TSNARE1: variants seen among roughly 807,000 people sequenced by gnomAD.
The protein encoded by TSNARE1 is t-SNARE domain containing 1, also known as t-SNARE domain-containing protein 1.
TSNARE1 carries 49 observed loss-of-function variants against 62.0 expected under a neutral mutation model. The observed-to-expected ratio is 0.79, with a 90% CI of 0.63 to 1.00. The LOEUF is 1.00. Ranked by LOEUF, TSNARE1 falls within the 50% of genes least tolerant of loss-of-function variation. The pLI, the probability that TSNARE1 is intolerant of heterozygous loss-of-function variation, is 0.00. For missense variants in TSNARE1, 755 were observed against 700.1 expected, an observed-to-expected ratio of 1.08 and a Z score of -0.88; for synonymous variants, 328 against 294.4, an observed-to-expected ratio of 1.11 and a Z score of -1.17.
chr8:142,368,994 C>A (rs1170020639), intron 1 of TSNARE1, among the ~76,000 whole-genome samples: 1 of 152,204 alleles, frequency 6.6e-6, no homozygotes, highest in African/African-American at 2.4e-5. Context: ...GTTTGACTGT[C>A]GCAGGGAGAG....
At chr8:142,381,068 G>A (rs570399423) in intron 1 of TSNARE1, among the ~76,000 whole-genome samples, 1 of 152,338 alleles carries the variant, frequency 6.6e-6, no homozygotes, top group East Asian at 1.9e-4. Context: ...CAGCTTCCCA[G>A]GCCTCAGCAG....
At position 142,256,620 on chromosome 8, in the gene TSNARE1, C is replaced by T. The variant is rs868524460; in HGVS notation, c.1446+18161G>A. 1.6e-3 allele frequency among the ~76,000 whole-genome samples: 245 copies of T among 148,862 alleles called. 2 individuals carry two copies. Among genetic ancestry groups the T allele is most frequent in the Middle Eastern group, 3.5e-3 (1 of 288 alleles). On this transcript the variant is annotated intron_variant, in intron 12 of 13. Transcript: ENST00000524325. ...ACTATCATCACCATCATCACCACCA[C>T]CACCACCACCACAATCAGCAGAAGT...
At chr8:142,305,043 G>T (rs1487335514) in intron 9 of TSNARE1, among the ~76,000 whole-genome samples, 1 of 152,210 alleles carries the variant, frequency 6.6e-6, no homozygotes, top group Admixed American at 6.5e-5. Context: ...AGATGTAGGA[G>T]CCTGCCCTCG....
At chr8:142,389,802 A>T (rs1837358588) in intron 1 of TSNARE1, among the ~76,000 whole-genome samples, 1 of 152,276 alleles carries the variant, frequency 6.6e-6, no homozygotes, top group Non-Finnish European at 1.5e-5. Flanking sequence ...GGAATGTATA[A>T]TGAAGCTCTG....
upstream of TSNARE1, chr8:142,403,253 C>T (rs1267306947): frequency 1.3e-5 from 2 of 151,576 alleles, no homozygotes; most frequent in Non-Finnish European, 2.9e-5. Context: ...CCCGGACGCG[C>T]GCGGGGACTA....
intron 9 of TSNARE1, among the ~76,000 whole-genome samples, chr8:142,306,550 C>T (rs1163603206): frequency 6.6e-6 from 1 of 152,222 alleles, no homozygotes; most frequent in East Asian, 1.9e-4. Flanking sequence ...CAACTCCACA[C>T]AGGCTGAGCT....
chr8:142,276,271 TG>T (rs1820472947), intron 11 of TSNARE1: 2 of 985,266 alleles, frequency 2.0e-6, no homozygotes, highest in African/African-American at 3.5e-5. Context: ...AGCCCCCAAC[TG>T]AACTCTGCTC....
intron 3 of TSNARE1, among the ~76,000 whole-genome samples, chr8:142,345,030 G>C (rs910875151): frequency 6.6e-6 from 1 of 152,218 alleles, no homozygotes; most frequent in Non-Finnish European, 1.5e-5. Context: ...GGCTGAGGCC[G>C]GTGGGGACGT....
In TSNARE1 at chr8:142,330,974, C is replaced by T. The variant is rs540362270; in HGVS notation, c.824-4G>A. Reference sequence around the variant, plus strand: ...AGGCTCCGCTCCAAGGAGGTCACTGCCCGAGAGAAGAGGGACAGGGTGAGG... The same window carrying T: ...AGGCTCCGCTCCAAGGAGGTCACTGTCCGAGAGAAGAGGGACAGGGTGAGG... On this transcript the variant is annotated splice_polypyrimidine_tract_variant and splice_region_variant and intron_variant, in intron 5 of 13. Transcript: ENST00000524325. 2 of 1,613,844 alleles carry T rather than the reference C, an allele frequency of 1.2e-6. No homozygotes were observed. Among genetic ancestry groups the T allele is most frequent in the South Asian group, 1.1e-5 (1 of 91,080 alleles).
chr8:142,281,293 T>G (rs866901469), intron 11 of TSNARE1, among the ~76,000 whole-genome samples: 2 of 152,058 alleles, frequency 1.3e-5, no homozygotes, highest in Admixed American at 6.5e-5. Context: ...GCCAGGAGCC[T>G]CTGCCCCACT....
At chr8:142,227,703 A>G (rs1355471868) in intron 13 of TSNARE1, among the ~76,000 whole-genome samples, 1 of 152,252 alleles carries the variant, frequency 6.6e-6, no homozygotes, top group East Asian at 1.9e-4. Context: ...CTGACTGGGG[A>G]GACCCCAGGG....
intron 12 of TSNARE1, among the ~76,000 whole-genome samples, chr8:142,262,326 T>C (rs1186962478): frequency 6.8e-6 from 1 of 146,648 alleles, no homozygotes; most frequent in Admixed American, 6.8e-5. Context: ...TCCATGAACG[T>C]GTGTGTGTGT....
chr8:142,214,789 G>A (rs943882443), intron 13 of TSNARE1, among the ~76,000 whole-genome samples: 7 of 152,226 alleles, frequency 4.6e-5, no homozygotes, highest in South Asian at 2.1e-4. Flanking sequence ...CCCTCCCTCC[G>A]CCACGTGAGG....
chr8:142,248,912 A>C (rs1205648663), intron 12 of TSNARE1, among the ~76,000 whole-genome samples: 1 of 152,204 alleles, frequency 6.6e-6, no homozygotes, highest in Non-Finnish European at 1.5e-5. Context: ...GGTACTCAGC[A>C]GGGAGGGCAC....
chr8:142,274,952 C>G (rs1049382897), intron 11 of TSNARE1, 89 bp from the exon 12 acceptor site: 6 of 1,402,598 alleles, frequency 4.3e-6, no homozygotes, highest in Non-Finnish European at 5.6e-6. Flanking sequence ...GCCCAGGGAG[C>G]CTGAGCCCAG....
At chr8:142,367,426 A>G (rs968189429) in intron 1 of TSNARE1, among the ~76,000 whole-genome samples, 4 of 152,000 alleles carry the variant, frequency 2.6e-5, no homozygotes, top group Admixed American at 2.6e-4. Flanking sequence ...GAGGAGCCAG[A>G]CACCAAAGAC....
At chr8:142,365,602 GCA>G (rs1554674591) in intron 1 of TSNARE1, among the ~76,000 whole-genome samples, 10,959 of 144,234 alleles carry the variant, frequency 0.076, 485 homozygotes, top group Non-Finnish European at 0.11. Flanking sequence ...ACATGCACAC[GCA>G]CACACACACA....
intron 11 of TSNARE1, among the ~76,000 whole-genome samples, chr8:142,283,427 T>G: frequency 8.4e-6 from 1 of 118,718 alleles, no homozygotes. Context: ...GAGGCGGGGT[T>G]AGTGTCTGTC....
At chr8:142,277,983 C>G (rs1018175290) in intron 11 of TSNARE1, 16 of 985,416 alleles carry the variant, frequency 1.6e-5, no homozygotes, top group Non-Finnish European at 1.8e-5. Flanking sequence ...CCCATAGGAC[C>G]CTTGGCTGCA....
Sources: allele counts gnomAD v4.1 joint callset (sites outside exome capture counted in the v4.1 genomes callset), GRCh38; gene constraint gnomAD v4.1.1; transcripts MANE v1.5; gene names NCBI Gene and HGNC (gene_info 2026-07-23, HGNC 2026-07-21).